Variants in SIRT7 observed in about 807,000 individuals in gnomAD.
The protein encoded by SIRT7 is sirtuin 7, also known as NAD-dependent protein deacetylase sirtuin-7.
Under a neutral mutation model 42.8 loss-of-function variants are expected in SIRT7, and 32 were observed. The observed-to-expected ratio is 0.75, with a 90% CI of 0.56 to 1.00. The LOEUF (loss-of-function observed/expected upper bound fraction) is 1.00, where lower values mean the gene tolerates loss of function less well. Among genes scored for constraint, SIRT7 ranks in the 50% least tolerant of loss-of-function variants. The pLI, the probability that SIRT7 is intolerant of heterozygous loss-of-function variation, is 0.00. For synonymous variants in SIRT7, 297 were observed against 245.2 expected (o/e 1.21, Z -1.97); for missense variants, 553 against 572.2 (o/e 0.97, Z 0.34).
chr17:81,917,549 G>A, intron 3 of SIRT7, 66 bp downstream of exon 3: 1 of 1,373,042 alleles, frequency 7.3e-7, no homozygotes, highest in Non-Finnish European at 9.8e-7. Flanking sequence ...TGCTTTAAAG[G>A]CGAGTTTTTC....
chr17:81,915,622 C>T lies in SIRT7; in HGVS notation c.396G>A (p.Gly132=). The T allele has an allele frequency of 1.2e-6, 2 of 1,613,930 alleles. No individual in the cohort carries two copies. Among genetic ancestry groups the T allele is most frequent in the Non-Finnish European group, 1.7e-6 (2 of 1,180,000 alleles). The change falls in exon 4 of 10, where the codon GGG becomes GGA. Residue 132 remains glycine, a synonymous_variant. Transcript: ENST00000328666. ...PNGVWTLLQK[G]RSVSAADLSE... is the part of the protein sequence containing the mutation. Reference sequence around the variant, plus strand: ...CCTGGCCCGCTTACCTAACGCTTCTCCCTTTCTGAAGCAGTGTCCACACTC... The same window carrying T: ...CCTGGCCCGCTTACCTAACGCTTCTTCCTTTCTGAAGCAGTGTCCACACTC...
intron 5 of SIRT7, 199 bp downstream of exon 5, chr17:81,915,241 G>C (rs137910549): frequency 1.1e-5 from 7 of 611,568 alleles, no homozygotes; most frequent in Non-Finnish European, 2.0e-5. Flanking sequence ...CTGCGGATGG[G>C]ATGGTTCAGA....
chr17:81,915,255 G>A (rs1315121589), intron 5 of SIRT7, 185 bp downstream of exon 5: 12 of 637,974 alleles, frequency 1.9e-5, no homozygotes, highest in Non-Finnish European at 3.0e-5. Flanking sequence ...GTTCAGAGGG[G>A]GAGCTCCCCT....
Position 81,912,277 on chromosome 17 carries a change from A to T in SIRT7, c.*139T>A. 8.7e-7 allele frequency: 1 copy of T among 1,148,972 alleles called. No homozygotes were observed. The highest frequency in any genetic ancestry group is 1.3e-5 in the South Asian group (1 of 75,342). 71.2% of individuals were successfully genotyped at this position (1,148,972 alleles called of 1,614,324 possible). A position where few individuals can be genotyped will look rare whatever the true frequency, so the allele number is the denominator to read the frequency against. On this transcript the variant is annotated 3_prime_UTR_variant, in exon 10 of 10. Transcript: ENST00000328666. ...CGCAGCAGTGCAAGGGGCTTCCTCA[A>T]GGACAAATGGCTAAAAATGTCACGG...
intron 9 of SIRT7, 156 bp from the exon 10 acceptor site, chr17:81,912,770 T>C (rs2040708013): frequency 1.3e-6 from 1 of 782,420 alleles, no homozygotes; most frequent in South Asian, 1.5e-5. Context: ...GCTTCATTGT[T>C]ACCAAGCTGC....
intron 5 of SIRT7, chr17:81,915,057 G>A (rs971933071): frequency 1.7e-5 from 8 of 480,416 alleles, no homozygotes; most frequent in African/African-American, 3.9e-5. Flanking sequence ...TCAGGTCCCT[G>A]GGGACCTAGG....
intron 3 of SIRT7, chr17:81,917,361 C>A: frequency 2.6e-6 from 1 of 387,960 alleles, no homozygotes; most frequent in Non-Finnish European, 4.6e-6. Flanking sequence ...CAACTTTGGG[C>A]TTAGCTCTGT....
chr17:81,916,491 G>A (rs1330584714), intron 3 of SIRT7: 1 of 147,332 alleles, frequency 6.8e-6, no homozygotes, highest in East Asian at 2.0e-4. Context: ...TTGAGAGACG[G>A]AGTTTAGCTC....
chr17:81,917,635 T>A lies in SIRT7; in HGVS notation c.316A>T (p.Thr106Ser). The A allele has an allele frequency of 6.2e-7, 1 of 1,606,920 alleles. No individual in the cohort carries two copies. The highest frequency in any genetic ancestry group is 8.5e-7 in the Non-Finnish European group (1 of 1,176,802). Residue 106 changes from threonine (T) to serine (S), a missense_variant, in exon 3 of 10, where the codon ACA (threonine) becomes TCA (serine). By Grantham distance (58) the Thr-to-Ser change is moderately conservative (BLOSUM62 1). Coordinates refer to ENST00000328666, the MANE Select transcript of SIRT7 (RefSeq NM_016538.3). ...VRNAKYLVVYTGAGISTAASI... is the reference protein window; with the variant it reads ...VRNAKYLVVYSGAGISTAASI... ...CCTACCGTGCTGATTCCCGCGCCTG[T>A]GTAGACGACCAAGTATTTGGCGTTC...
Position 81,913,381 on chromosome 17 carries a change from AGTTT to A in SIRT7, c.1004+389_1004+392del, listed in dbSNP as rs1195733274. The A allele has an allele frequency of 8.2e-5, 37 of 450,858 alleles. No homozygotes were observed. The highest frequency in any genetic ancestry group is 4.2e-4 in the African/African-American group (21 of 49,724). 27.9% of individuals were successfully genotyped at this position (450,858 alleles called of 1,614,324 possible). A position where few individuals can be genotyped will look rare whatever the true frequency, so the allele number is the denominator to read the frequency against. On this transcript the variant is annotated intron_variant, in intron 9 of 9. Transcript: ENST00000328666. The surrounding 1 kb of genome is among the most constrained non-coding windows in gnomAD (Gnocchi z 5.0). ...TATCACAAATTCTGTATTAAGGCAC[AGTTT>A]GTTTAAGCTTTCCCAAAGTACGCCA...
rs904781977 is a variant in SIRT7, at chr17:81,914,702, C to A, written c.481G>T (p.Val161Leu). The A allele has an allele frequency of 4.3e-6, 7 of 1,612,170 alleles. No individual in the cohort carries two copies. The highest frequency in any genetic ancestry group is 5.9e-6 in the Non-Finnish European group (7 of 1,179,868). Reference sequence around the variant, plus strand: ...CAGTTCTGAGACACCACATGCTGCACCTGGAAGGCAGAACGGGTGGCAAGG... The same window carrying A: ...CAGTTCTGAGACACCACATGCTGCAACTGGAAGGCAGAACGGGTGGCAAGG... ...SITRLHEQKL[V>L]QHVVSQNCDG... The change falls in exon 6 of 10, where the codon GTG (valine) becomes TTG (leucine). Residue 161 changes from valine to leucine, a missense_variant and splice_region_variant. Coordinates refer to ENST00000328666, the MANE Select transcript of SIRT7 (RefSeq NM_016538.3).
intron 4 of SIRT7, 38 bp from the exon 5 acceptor site, chr17:81,915,550 G>A: frequency 1.2e-6 from 2 of 1,613,284 alleles, no homozygotes; most frequent in Non-Finnish European, 1.7e-6. Context: ...AGGAGAGCTG[G>A]AGCTCAGGCC....
intron 3 of SIRT7, chr17:81,916,877 G>A (rs2040814832): frequency 6.6e-6 from 1 of 152,204 alleles, no homozygotes. Flanking sequence ...AGCCTCTGCT[G>A]TTCTTTGCTT....
chr17:81,917,691 C>G lies in SIRT7; in HGVS notation c.260G>C (p.Gly87Ala), dbSNP rs780368143. 3 of 1,604,092 alleles carry G rather than the reference C, an allele frequency of 1.9e-6. No homozygotes were observed. The highest frequency in any genetic ancestry group is 2.6e-6 in the Non-Finnish European group (3 of 1,176,188). ...GGCGCTGGCCAGCTCCCGGACCTTC[C>G]CCCGCAGCTCCTCCGGGTCGTCGCA... ...EVCDDPEELR[G>A]KVRELASAVR... Residue 87 changes from glycine (G) to alanine (A), a missense_variant, in exon 3 of 10, where the codon GGG becomes GCG. By Grantham distance (60) the Gly-to-Ala change is moderately conservative. Transcript: ENST00000328666.
intron 3 of SIRT7, chr17:81,917,393 G>C (rs1210833354): frequency 2.3e-6 from 1 of 434,590 alleles, no homozygotes; most frequent in Admixed American, 4.2e-5. Context: ...GGGGGTGCCT[G>C]CGAGCAGTCG....
chr17:81,915,344 C>T, intron 5 of SIRT7, 96 bp downstream of exon 5: 3 of 1,392,510 alleles, frequency 2.2e-6, no homozygotes, highest in Admixed American at 2.0e-5. Flanking sequence ...TGGGAGTCAA[C>T]TGGCAGACAG....
At chr17:81,917,776 C>G in intron 2 of SIRT7, 54 bp downstream of exon 2, 1 of 1,441,766 alleles carries the variant, frequency 6.9e-7, no homozygotes, top group Non-Finnish European at 9.1e-7. Context: ...GACCGCCCGT[C>G]GCCCCAGCTG....
Position 81,918,057 on chromosome 17 carries a change from C to T in SIRT7, c.75G>A (p.Gln25=). The change falls in exon 1 of 10, where the codon CAG becomes CAA. Residue 25 remains glutamine (Q), a synonymous_variant. Transcript: ENST00000328666. ...GGCGTACCTGGCGGAGGCGCTCCCT[C>T]TGCTGCTCCTCCCGCAACCTCCGGA... The part of the protein sequence containing the change: ...ERVRRLREEQ[Q]RERLRQVSRI... 6.5e-7 allele frequency: 1 copy of T among 1,539,306 alleles called. No individual in the cohort carries two copies. The highest frequency in any genetic ancestry group is 8.7e-7 in the Non-Finnish European group (1 of 1,153,878).
chr17:81,914,090 C>T lies in SIRT7; in HGVS notation c.894G>A (p.Leu298=). 6.2e-7 allele frequency: 1 copy of T among 1,613,476 alleles called. No homozygotes were observed. The highest frequency in any genetic ancestry group is 8.5e-7 in the Non-Finnish European group (1 of 1,180,016). The change falls in exon 8 of 10, where the codon CTG becomes CTA. Residue 298 remains leucine (L), a synonymous_variant. Transcript: ENST00000328666. ...SRRPKLYIVN[L]QWTPKDDWAA... Reference sequence around the variant, plus strand: ...TGGCTCTCAGCACCCGAGTTACCTGCAGGTTCACGATGTAAAGCTTCGGCC... The same window carrying T: ...TGGCTCTCAGCACCCGAGTTACCTGTAGGTTCACGATGTAAAGCTTCGGCC...
Sources: allele counts gnomAD v4.1 joint callset, GRCh38; gene constraint gnomAD v4.1.1; non-coding constraint Gnocchi (gnomAD v3.1); transcripts MANE v1.5; gene names NCBI Gene and HGNC (gene_info 2026-07-23, HGNC 2026-07-21).